NAA15: variants seen among roughly 807,000 people sequenced by gnomAD.
NAA15 encodes the protein N-alpha-acetyltransferase 15, NatA auxiliary subunit.
Under a neutral mutation model 114.0 loss-of-function variants are expected in NAA15, and 34 were observed. The ratio of observed to expected loss-of-function variants is 0.30; its 90% CI spans 0.23 to 0.40. NAA15 has a LOEUF of 0.40. Among genes scored for constraint, NAA15 ranks in the 10% least tolerant of loss-of-function variants. The pLI is 1.00. For missense variants in NAA15, 658 were observed against 1,004.5 expected (o/e 0.66, Z 4.66); for synonymous variants, 340 against 338.0 (o/e 1.01, Z -0.06).
intron 13 of NAA15, 104 bp downstream of exon 13, chr4:139,360,732 T>A: frequency 9.6e-7 from 1 of 1,041,616 alleles, no homozygotes; most frequent in Non-Finnish European, 1.3e-6. Flanking sequence ...TCATAGTAGG[T>A]GCTTTTTAAA....
At chr4:139,303,561 C>T (rs1222202886) in intron 1 of NAA15, among the ~76,000 whole-genome samples, 2 of 152,138 alleles carry the variant, frequency 1.3e-5, no homozygotes, top group African/African-American at 2.4e-5. Context: ...CTTTGGGAGG[C>T]TGAGGCAGAT....
intron 15 of NAA15, among the ~76,000 whole-genome samples, chr4:139,373,954 C>T (rs1466986745): frequency 5.3e-5 from 8 of 152,242 alleles, no homozygotes; most frequent in African/African-American, 1.7e-4. Context: ...ATATGCCCAC[C>T]TTAGCCTCCC....
In NAA15 at chr4:139,301,562, G is replaced by T. The variant is rs536644156; in HGVS notation, c.-216G>T. ...TGAACCGCCGACGGAGACCCGTAGT[G>T]GGGGAGGCGGCGGCAGCGTTAAGTG... On this transcript the variant is annotated 5_prime_UTR_variant, in exon 1 of 20. Coordinates refer to ENST00000296543, the MANE Select transcript of NAA15 (RefSeq NM_057175.5). 3 of 589,874 alleles carry T rather than the reference G, an allele frequency of 5.1e-6. No individual in the cohort carries two copies. Among genetic ancestry groups the T allele is most frequent in the East Asian group, 3.1e-5 (1 of 32,770 alleles). The allele number at this position is 589,874 out of a possible 1,614,324, so 36.5% of individuals were successfully genotyped here.
At chr4:139,345,007 T>G (rs929192228) in intron 6 of NAA15, among the ~76,000 whole-genome samples, 1 of 152,210 alleles carries the variant, frequency 6.6e-6, no homozygotes, top group Non-Finnish European at 1.5e-5. Flanking sequence ...AAAGGACAAG[T>G]GATTTTTTAA....
chr4:139,365,488 A>G (rs575223523), intron 14 of NAA15, among the ~76,000 whole-genome samples: 9 of 152,222 alleles, frequency 5.9e-5, no homozygotes, highest in African/African-American at 2.2e-4. Context: ...CTCGTATATA[A>G]AATAATATTA....
intron 9 of NAA15, 130 bp downstream of exon 9, chr4:139,351,741 G>A (rs1747784825): frequency 2.0e-6 from 1 of 503,026 alleles, no homozygotes; most frequent in Non-Finnish European, 3.6e-6. Context: ...CCAGTTTGCA[G>A]TTTAAATGCT....
At chr4:139,315,153 C>T (rs1015409968) in intron 1 of NAA15, among the ~76,000 whole-genome samples, 8 of 151,690 alleles carry the variant, frequency 5.3e-5, no homozygotes, top group Non-Finnish European at 8.8e-5. Flanking sequence ...AGCTCTGCCT[C>T]GGCCTAGGGA....
intron 1 of NAA15, among the ~76,000 whole-genome samples, chr4:139,328,868 C>CTT (rs912299069): frequency 1.5e-5 from 2 of 133,920 alleles, no homozygotes; most frequent in Non-Finnish European, 3.2e-5. Context: ...GCCCGGCCTT[C>CTT]TTTTTTTTTT....
At chr4:139,362,480 C>A (rs1748163146) in intron 14 of NAA15, among the ~76,000 whole-genome samples, 1 of 151,958 alleles carries the variant, frequency 6.6e-6, no homozygotes, top group African/African-American at 2.4e-5. Flanking sequence ...ACCATGTTGT[C>A]CAGGCTGGTC....
intron 2 of NAA15, 97 bp from the exon 3 acceptor site, chr4:139,336,751 G>A (rs1747213229): frequency 3.5e-6 from 2 of 570,198 alleles, no homozygotes; most frequent in East Asian, 3.3e-5. Flanking sequence ...TCTTAAGGCA[G>A]TGTAGCATTT....
At chr4:139,372,295 T>C (rs1468230384) in intron 15 of NAA15, among the ~76,000 whole-genome samples, 1 of 152,208 alleles carries the variant, frequency 6.6e-6, no homozygotes, top group African/African-American at 2.4e-5. Context: ...AGCAGAATTC[T>C]TGTACTAGGT....
At chr4:139,308,427 TC>T (rs1478200914) in intron 1 of NAA15, among the ~76,000 whole-genome samples, 1 of 152,214 alleles carries the variant, frequency 6.6e-6, no homozygotes, top group Non-Finnish European at 1.5e-5. Flanking sequence ...CTGATTAATT[TC>T]TTTGTGACAG....
At position 139,389,216 on chromosome 4, in the gene NAA15, T is replaced by TTTC. The variant is rs1553999533; in HGVS notation, c.*1132_*1133insTTC. 6.7e-6 allele frequency: 1 copy of TTTC among 148,422 alleles called. No homozygotes were observed. The allele number at this position is 148,422 out of a possible 1,614,324, so 9.2% of individuals were successfully genotyped here. A position where few individuals can be genotyped will look rare whatever the true frequency, so the allele number is the denominator to read the frequency against. On this transcript the variant is annotated 3_prime_UTR_variant, in exon 20 of 20. Transcript: ENST00000296543. ...AAGATTTTTTTTTTTTTTTTTTTTT[T>TTTC]CAAATAACAGACCAGCTTCTTTTTC...
At chr4:139,381,734 C>A (rs1748761868) in intron 17 of NAA15, among the ~76,000 whole-genome samples, 2 of 152,090 alleles carry the variant, frequency 1.3e-5, no homozygotes, top group African/African-American at 4.8e-5. Context: ...GCCTGAGAAC[C>A]CTGTGCAATC....
chr4:139,369,433 G>T (rs952731602), intron 14 of NAA15, among the ~76,000 whole-genome samples: 2 of 152,158 alleles, frequency 1.3e-5, no homozygotes, highest in Non-Finnish European at 2.9e-5. Context: ...GCTATCTGAT[G>T]TTGAACCATT....
intron 15 of NAA15, among the ~76,000 whole-genome samples, chr4:139,372,030 C>G (rs1748457215): frequency 6.6e-6 from 1 of 152,178 alleles, no homozygotes; most frequent in Non-Finnish European, 1.5e-5. Context: ...ATTCTCCTGC[C>G]TCAGCCTCCC....
At chr4:139,345,454 T>G (rs573387694) in intron 6 of NAA15, among the ~76,000 whole-genome samples, 1 of 152,328 alleles carries the variant, frequency 6.6e-6, no homozygotes, top group Non-Finnish European at 1.5e-5. Context: ...TTTCATTTGA[T>G]CCCTTTGATA....
intron 4 of NAA15, among the ~76,000 whole-genome samples, chr4:139,341,758 G>A (rs746503009): frequency 1.3e-5 from 2 of 150,758 alleles, no homozygotes; most frequent in Admixed American, 6.6e-5. Flanking sequence ...GTCTCACTCT[G>A]TTGCCCAGGC....
At chr4:139,306,559 T>C (rs1746024440) in intron 1 of NAA15, among the ~76,000 whole-genome samples, 2 of 151,840 alleles carry the variant, frequency 1.3e-5, no homozygotes, top group Non-Finnish European at 1.5e-5. Flanking sequence ...AAGGAAGACT[T>C]GTGTTTGCCA....
Sources: gnomAD v4.1 joint callset for allele counts (sites outside exome capture counted in the v4.1 genomes callset) on GRCh38, gnomAD v4.1.1 for gene constraint, MANE v1.5 for transcripts, NCBI Gene and HGNC (gene_info 2026-07-23, HGNC 2026-07-21) for gene names.